The following BCLAF1 variants were observed in gnomAD, a reference collection of about 807,000 sequenced individuals.
BCLAF1 encodes the protein bcl-2-associated transcription factor 1.
A neutral mutation model predicts 99.5 loss-of-function variants in BCLAF1; 10 were observed. The ratio of observed to expected loss-of-function variants is 0.10; its 90% CI spans 0.06 to 0.17. The LOEUF (loss-of-function observed/expected upper bound fraction) is 0.17. BCLAF1 is among the 10% of genes least tolerant of loss of function. The pLI is 1.00. For missense variants in BCLAF1, 636 were observed against 1,105.8 expected, an observed-to-expected ratio of 0.58 and a Z score of 6.02; for synonymous variants, 255 against 370.9, an observed-to-expected ratio of 0.69 and a Z score of 3.59.
intron 6 of BCLAF1, 80 bp from the exon 7 acceptor site, chr6:136,273,267 C>A (rs1782798488): frequency 4.2e-6 from 5 of 1,198,052 alleles, no homozygotes; most frequent in Non-Finnish European, 6.0e-6. Context: ...GGGCATGTAG[C>A]AGGTGAAAAG....
At chr6:136,279,000 C>CACAA (rs1783984684) in intron 3 of BCLAF1, among the ~76,000 whole-genome samples, 1 of 148,186 alleles carries the variant, frequency 6.7e-6, no homozygotes. Flanking sequence ...ACAAAACACA[C>CACAA]ACACACACAC....
At chr6:136,280,002 T>C in intron 2 of BCLAF1, 126 bp from the exon 3 acceptor site, 1 of 1,115,484 alleles carries the variant, frequency 9.0e-7, no homozygotes, top group Non-Finnish European at 1.2e-6. Flanking sequence ...TTCACCATCC[T>C]TTTCAAATCA....
intron 9 of BCLAF1, chr6:136,269,230 T>C: frequency 6.8e-7 from 1 of 1,472,764 alleles, no homozygotes. Flanking sequence ...ATTTTTTTTT[T>C]CAGTGTTAGC....
intron 2 of BCLAF1, among the ~76,000 whole-genome samples, chr6:136,281,155 T>C (rs1784342121): frequency 6.6e-6 from 1 of 152,126 alleles, no homozygotes; most frequent in Non-Finnish European, 1.5e-5. Context: ...AAATAAAACA[T>C]AACTATCCTC....
intron 10 of BCLAF1, 36 bp downstream of exon 10, chr6:136,268,126 T>C: frequency 6.7e-7 from 1 of 1,498,636 alleles, no homozygotes; most frequent in Non-Finnish European, 8.9e-7. Context: ...TAAGATAAAC[T>C]CCTACCAAAC....
intron 1 of BCLAF1, among the ~76,000 whole-genome samples, chr6:136,288,477 T>C (rs1313424423): frequency 6.6e-6 from 1 of 152,224 alleles, no homozygotes; most frequent in Non-Finnish European, 1.5e-5. Flanking sequence ...ATCCTAACCA[T>C]TCCAACTAAA....
intron 9 of BCLAF1, 56 bp from the exon 10 acceptor site, chr6:136,268,395 T>C: frequency 7.0e-7 from 1 of 1,436,010 alleles, no homozygotes; most frequent in Non-Finnish European, 9.5e-7. Flanking sequence ...AAGACCCTGC[T>C]GAATCTTACA....
At chr6:136,275,102 AAAG>A (rs1422999762) in intron 6 of BCLAF1, among the ~76,000 whole-genome samples, 1 of 152,102 alleles carries the variant, frequency 6.6e-6, no homozygotes, top group African/African-American at 2.4e-5. Context: ...TAAAAGTTGA[AAAG>A]AAATTCTTAG....
rs1001158562 is a variant in BCLAF1 at position 136,257,210 on chromosome 6, T to C, written c.*3900A>G. 1.3e-5 allele frequency: 2 copies of C among 152,182 alleles called. No homozygotes were observed. The highest frequency in any genetic ancestry group is 4.8e-5 in the African/African-American group (2 of 41,430). The allele number at this position is 152,182 out of a possible 1,614,324, so 9.4% of individuals were successfully genotyped here. A position where few individuals can be genotyped will look rare whatever the true frequency, so the allele number is the denominator to read the frequency against. On this transcript the variant is annotated 3_prime_UTR_variant, in exon 13 of 13. Transcript: ENST00000531224. ...TCACTGTGGTAAAACACCAAAAATATCCATAGGAAAAATTTTCCTATATAC... is the reference window on the plus strand; with the variant it reads ...TCACTGTGGTAAAACACCAAAAATACCCATAGGAAAAATTTTCCTATATAC...
At chr6:136,287,304 T>TC (rs761708683) in intron 1 of BCLAF1, among the ~76,000 whole-genome samples, 5 of 152,110 alleles carry the variant, frequency 3.3e-5, no homozygotes, top group Non-Finnish European at 5.9e-5. Flanking sequence ...AGCGAGTCTC[T>TC]GTCTCAAAAA....
intron 2 of BCLAF1, among the ~76,000 whole-genome samples, chr6:136,281,986 A>C (rs1207335433): frequency 2.6e-5 from 4 of 152,232 alleles, no homozygotes; most frequent in African/African-American, 9.6e-5. Flanking sequence ...AAGCATGCCT[A>C]TCAAATAGTT....
At chr6:136,277,727 G>A in intron 4 of BCLAF1, 138 bp downstream of exon 4, 1 of 1,133,130 alleles carries the variant, frequency 8.8e-7, no homozygotes, top group Non-Finnish European at 1.2e-6. Context: ...AAACAATTTG[G>A]AATTATCTTA....
At chr6:136,274,697 T>A (rs1024789822) in intron 6 of BCLAF1, among the ~76,000 whole-genome samples, 4 of 152,082 alleles carry the variant, frequency 2.6e-5, no homozygotes, top group Non-Finnish European at 4.4e-5. Context: ...TTGAAGTTCC[T>A]GAGAAAGAAT....
chr6:136,279,936 A>C, intron 2 of BCLAF1, 60 bp from the exon 3 acceptor site: 2 of 1,322,000 alleles, frequency 1.5e-6, no homozygotes, highest in Non-Finnish European at 2.0e-6. Context: ...AAAATTTTAC[A>C]TTATTACTTA....
Position 136,272,391 on chromosome 6 carries a change from A to G in BCLAF1, c.1959-312T>C, listed in dbSNP as rs1782660329. On this transcript the variant is annotated intron_variant, in intron 7 of 12. Coordinates refer to ENST00000531224, the MANE Select transcript of BCLAF1 (RefSeq NM_014739.3). The stretch of plus-strand genomic sequence containing the variant: ...TGGATATGATTTTAAGCATCAACAA[A>G]CACACATGAATAGGATTATTTGCTC... Among the ~76,000 whole-genome samples the G allele has an allele frequency of 2.0e-5, 3 of 151,948 alleles. No homozygotes were observed. The South Asian group carries it at 6.2e-4, about 31-fold the overall frequency.
In BCLAF1 at chr6:136,282,280, C is replaced by T. The variant is rs948542506; in HGVS notation, c.-11+304G>A. Among the ~76,000 whole-genome samples the T allele has an allele frequency of 4.6e-5, 7 of 151,946 alleles. No individual in the cohort carries two copies. In the South Asian group the frequency reaches 1.5e-3, roughly 32 times the overall value. Reference sequence around the variant, plus strand: ...GAGAGAAACAAGTTATGAATCTCCTCTTGTTTACATTAGGGAAATGGGTTA... The same window carrying T: ...GAGAGAAACAAGTTATGAATCTCCTTTTGTTTACATTAGGGAAATGGGTTA... On this transcript the variant is annotated intron_variant, in intron 2 of 12. Coordinates refer to ENST00000531224, the MANE Select transcript of BCLAF1 (RefSeq NM_014739.3).
At chr6:136,287,589 T>C (rs1785320154) in intron 1 of BCLAF1, among the ~76,000 whole-genome samples, 1 of 152,238 alleles carries the variant, frequency 6.6e-6, no homozygotes. Context: ...TGAATTCAGC[T>C]AGTGTGCAAC....
At chr6:136,276,744 A>G (rs1180653198) in intron 4 of BCLAF1, among the ~76,000 whole-genome samples, 1 of 152,228 alleles carries the variant, frequency 6.6e-6, no homozygotes, top group Non-Finnish European at 1.5e-5. Flanking sequence ...CACAAAGCCA[A>G]TCACAAAAAC....
At chr6:136,261,700 G>A (rs1297675014) in intron 11 of BCLAF1, among the ~76,000 whole-genome samples, 1 of 152,100 alleles carries the variant, frequency 6.6e-6, no homozygotes, top group Non-Finnish European at 1.5e-5. Context: ...CCCAAGCACT[G>A]AAGGTTACCC....
Sources: allele counts gnomAD v4.1 joint callset (sites outside exome capture counted in the v4.1 genomes callset), GRCh38; gene constraint gnomAD v4.1.1; transcripts MANE v1.5; gene names NCBI Gene and HGNC (gene_info 2026-07-23, HGNC 2026-07-21).